The following SEMA3D variants were observed in gnomAD, a reference collection of about 807,000 sequenced individuals.
The protein encoded by SEMA3D is semaphorin 3D, also known as semaphorin-3D.
In SEMA3D, 84 loss-of-function variants were observed where a neutral mutation model predicts 100.1. That is an observed-to-expected ratio of 0.84 (90% CI 0.70 to 1.01). The LOEUF is 1.01. Among genes scored for constraint, SEMA3D ranks in the 50% least tolerant of loss-of-function variants. SEMA3D has a pLI of 0.00. For missense variants in SEMA3D, 875 were observed against 934.1 expected (o/e 0.94, Z 0.82); for synonymous variants, 312 against 320.7 (o/e 0.97, Z 0.29).
intron 8 of SEMA3D, 142 bp downstream of exon 8, chr7:85,065,282 G>T: frequency 1.4e-6 from 1 of 729,890 alleles, no homozygotes; most frequent in Non-Finnish European, 2.1e-6. Context: ...GATTTTCTTA[G>T]TGGGGAATTA....
chr7:85,127,735 T>A (rs1215077101), intron 2 of SEMA3D, among the ~76,000 whole-genome samples: 3 of 152,162 alleles, frequency 2.0e-5, no homozygotes, highest in African/African-American at 7.2e-5. Flanking sequence ...CAATTGATAC[T>A]TATCAATTTG....
At chr7:85,091,088 A>G (rs2057934) in intron 4 of SEMA3D, among the ~76,000 whole-genome samples, 32,857 of 142,436 alleles carry the variant, frequency 0.23, 4,207 homozygotes, top group East Asian at 0.37. Flanking sequence ...AAGAGAGAGA[A>G]AGAGAGAGGG....
chr7:85,140,361 C>A (rs1790011460), intron 2 of SEMA3D: 1 of 979,206 alleles, frequency 1.0e-6, no homozygotes, highest in Non-Finnish European at 1.2e-6. Flanking sequence ...TGGTTTACAT[C>A]CAGCCAGTAG....
At chr7:85,032,837 A>C (rs1584537790) in intron 12 of SEMA3D, among the ~76,000 whole-genome samples, 1 of 152,156 alleles carries the variant, frequency 6.6e-6, no homozygotes, top group East Asian at 1.9e-4. Context: ...AAAAGGACAT[A>C]ATATTTGATG....
intron 1 of SEMA3D, among the ~76,000 whole-genome samples, chr7:85,180,070 G>A (rs914558233): frequency 6.6e-6 from 1 of 152,170 alleles, no homozygotes; most frequent in Non-Finnish European, 1.5e-5. Flanking sequence ...AGAGGGGTCA[G>A]GGTCAGAATG....
chr7:85,230,826 C>T, the SEMA3D span, among the ~76,000 whole-genome samples: 2 of 152,222 alleles, frequency 1.3e-5, no homozygotes, highest in Non-Finnish European at 2.9e-5. Flanking sequence ...GCTTCCTCTC[C>T]ATGTCGAAGA....
chr7:85,139,248 G>T (rs2116456836), intron 2 of SEMA3D, among the ~76,000 whole-genome samples: 1 of 152,126 alleles, frequency 6.6e-6, no homozygotes, highest in Middle Eastern at 3.4e-3. Context: ...AATCTTCACA[G>T]GAATCAGAAA....
At chr7:85,077,221 G>T (rs1791952798) in intron 5 of SEMA3D, among the ~76,000 whole-genome samples, 1 of 151,380 alleles carries the variant, frequency 6.6e-6, no homozygotes. Context: ...TAACAGTGAA[G>T]ATTTCTACAG....
rs367600982 is a variant in SEMA3D, at chr7:85,037,019, C to G, written c.1061G>C (p.Gly354Ala). 3.1e-6 allele frequency: 5 copies of G among 1,611,046 alleles called. No individual in the cohort carries two copies. The East Asian group carries it at 6.7e-5, about 22-fold the overall frequency. Residue 354 changes from glycine to alanine, a missense_variant, in exon 12 of 19, where the codon GGC (glycine) becomes GCC (alanine). By Grantham distance (60) the Gly-to-Ala change is moderately conservative. Coordinates refer to ENST00000284136, the MANE Select transcript of SEMA3D (RefSeq NM_001384900.1). The stretch of plus-strand genomic sequence containing the variant: ...CATGCTATACACACAAACAGCAGAG[C>G]CTTTGAAGATGGAGCTGGAAAAAAA... ...VFTTTSSIFK[G>A]SAVCVYSMAD...
intron 3 of SEMA3D, among the ~76,000 whole-genome samples, chr7:85,099,379 T>C (rs1007618921): frequency 3.8e-4 from 58 of 152,072 alleles, no homozygotes; most frequent in African/African-American, 1.3e-3. Flanking sequence ...TCTGCCACCA[T>C]GTAAGACAGG....
intron 3 of SEMA3D, among the ~76,000 whole-genome samples, chr7:85,119,707 A>T (rs574751412): frequency 1.7e-4 from 26 of 152,254 alleles, no homozygotes; most frequent in African/African-American, 6.0e-4. Flanking sequence ...ACAAACCTCC[A>T]CGACACAACT....
chr7:85,107,762 C>A (rs997792114), intron 3 of SEMA3D, among the ~76,000 whole-genome samples: 2 of 151,952 alleles, frequency 1.3e-5, no homozygotes, highest in African/African-American at 4.8e-5. Flanking sequence ...TGTTTAACCC[C>A]CCTCACACAA....
chr7:85,140,898 A>G (rs987101772), intron 2 of SEMA3D: 1 of 656,732 alleles, frequency 1.5e-6, no homozygotes. Context: ...CCATCTTCCT[A>G]TCAACACCTC....
intron 5 of SEMA3D, among the ~76,000 whole-genome samples, chr7:85,078,192 T>C (rs901980351): frequency 2.6e-5 from 4 of 152,160 alleles, no homozygotes; most frequent in African/African-American, 9.7e-5. Flanking sequence ...TATTTATAAA[T>C]GACTTGTTTT....
At chr7:85,225,053 TATATATATA>T in the SEMA3D span, among the ~76,000 whole-genome samples, 18 of 1,738 alleles carry the variant, frequency 0.01, no homozygotes, top group Admixed American at 0.059. Context: ...TTTTCTTTTA[TATATATATA>T]TATATATATA....
chr7:85,175,332 G>A (rs899548060), intron 1 of SEMA3D, among the ~76,000 whole-genome samples: 3 of 152,152 alleles, frequency 2.0e-5, no homozygotes, highest in Admixed American at 2.0e-4. Context: ...GATAGGGTGA[G>A]GAATCCTGTA....
chr7:85,194,652 C>A, the SEMA3D span, among the ~76,000 whole-genome samples: 1 of 152,162 alleles, frequency 6.6e-6, no homozygotes, highest in Middle Eastern at 3.4e-3. Flanking sequence ...TTAAATAAAT[C>A]TAGGAGTGGA....
chr7:85,112,114 A>G (rs911708121), intron 3 of SEMA3D, among the ~76,000 whole-genome samples: 2 of 152,136 alleles, frequency 1.3e-5, no homozygotes, highest in African/African-American at 2.4e-5. Flanking sequence ...TCCAGATAAA[A>G]TACATATTAT....
chr7:85,119,968 T>TG (rs1789361993), intron 3 of SEMA3D, among the ~76,000 whole-genome samples: 1 of 151,720 alleles, frequency 6.6e-6, no homozygotes, highest in Middle Eastern at 3.2e-3. Context: ...AATTTTTTTT[T>TG]TTTTTTTTTA....
Sources: gnomAD v4.1 joint callset for allele counts (sites outside exome capture counted in the v4.1 genomes callset) on GRCh38, gnomAD v4.1.1 for gene constraint, MANE v1.5 for transcripts, NCBI Gene and HGNC (gene_info 2026-07-23, HGNC 2026-07-21) for gene names.